The following ROBO3 variants were observed in gnomAD, a reference collection of about 807,000 sequenced individuals.
ROBO3 encodes roundabout guidance receptor 3.
A neutral mutation model predicts 160.5 loss-of-function variants in ROBO3; 97 were observed. That is an observed-to-expected ratio of 0.60 (90% CI 0.51 to 0.72). ROBO3 has a LOEUF of 0.72. Among genes scored for constraint, ROBO3 ranks in the 30% least tolerant of loss-of-function variants. ROBO3 has a pLI of 0.00. For synonymous variants in ROBO3, 780 were observed against 746.2 expected (o/e 1.05, Z -0.74); for missense variants, 1,858 against 1,846.5 (o/e 1.01, Z -0.11).
intron 1 of ROBO3, chr11:124,868,395 G>GAGCA: frequency 2.0e-6 from 1 of 497,870 alleles, no homozygotes; most frequent in Non-Finnish European, 3.7e-6. Context: ...GTCTTTCACT[G>GAGCA]AGCAAGGACG....
chr11:124,869,429 G>GCCGC lies in ROBO3; in HGVS notation c.488-19_488-18insGCCC. 7 of 1,295,744 alleles carry GCCGC rather than the reference G, an allele frequency of 5.4e-6. No individual in the cohort carries two copies. Among genetic ancestry groups the GCCGC allele is most frequent in the Non-Finnish European group, 7.5e-6 (7 of 929,924 alleles). 80.3% of individuals were successfully genotyped at this position (1,295,744 alleles called of 1,614,324 possible). A position where few individuals can be genotyped will look rare whatever the true frequency, so the allele number is the denominator to read the frequency against. ...TGTCACTCTACACCCTGCTTATTTC[G>GCCGC]CCCCCCACCGCCCCGCCCAGTCCTC... On this transcript the variant is annotated intron_variant, in intron 2 of 27. Transcript: ENST00000397801. This position sits in a 1 kb window ranked among gnomAD's most constrained non-coding sequence, Gnocchi z 4.2.
rs1946553961 is a variant in ROBO3 at position 124,880,551 on chromosome 11, C to A, written c.4092C>A (p.Ser1364Arg). ...GGGGCTCCCGGGGCCCTGGCCGGAG[C>A]CGGAGTCGGAGTCAGAGCCGGAGCC... Reference protein sequence around the residue: ...SSRGSRGPGRSRSRSQSRSQS... With the variant: ...SSRGSRGPGRRRSRSQSRSQS... The change falls in exon 27 of 28, where the codon AGC (serine) becomes AGA (arginine). Residue 1364 changes from serine (S) to arginine (R), a missense_variant. Coordinates refer to ENST00000397801, the MANE Select transcript of ROBO3 (RefSeq NM_022370.4). The A allele has an allele frequency of 1.3e-6, 2 of 1,556,086 alleles. No homozygotes were observed. The highest frequency in any genetic ancestry group is 8.7e-7 in the Non-Finnish European group (1 of 1,149,990).
rs747188763 is a variant in ROBO3, at chr11:124,865,952, C to T, written c.160+215C>T. ...AGGTCGAGGGCTTGGGAGAAGATGG[C>T]TACTGAGTCTTTTTACACCTCCTTC... is the stretch of plus-strand genomic sequence containing the variant. On this transcript the variant is annotated intron_variant, in intron 1 of 27. Transcript: ENST00000397801. This position sits in a 1 kb window ranked among gnomAD's most constrained non-coding sequence, Gnocchi z 5.5. 1.2e-4 allele frequency among the ~76,000 whole-genome samples: 18 copies of T among 152,224 alleles called. No homozygotes were observed. Among genetic ancestry groups the T allele is most frequent in the Admixed American group, 1.1e-3 (17 of 15,284 alleles).
At position 124,874,169 on chromosome 11, in the gene ROBO3, G is replaced by A. The variant is rs1946317662; in HGVS notation, c.1884G>A (p.Leu628=). 6.2e-7 allele frequency: 1 copy of A among 1,613,878 alleles called. No individual in the cohort carries two copies. Among genetic ancestry groups the A allele is most frequent in the Non-Finnish European group, 8.5e-7 (1 of 1,179,888 alleles). The change falls in exon 12 of 28, where the codon CTG becomes CTA. Residue 628 remains leucine, a synonymous_variant. Coordinates refer to ENST00000397801, the MANE Select transcript of ROBO3 (RefSeq NM_022370.4). ...GLQPNTIYLF[L]VRAVGAWGLS... ...AGCCCAATACCATCTACCTGTTTCTGGTTCGAGCAGTGGGAGCCTGGGGCC... is the reference window on the plus strand; with the variant it reads ...AGCCCAATACCATCTACCTGTTTCTAGTTCGAGCAGTGGGAGCCTGGGGCC...
rs763573663 is a variant in ROBO3 at position 124,869,435 on chromosome 11, CA to C, written c.488-14del. ...TCTACACCCTGCTTATTTCGCCCCC[CA>C]CCGCCCCGCCCAGTCCTCCGTGATG... On this transcript the variant is annotated splice_polypyrimidine_tract_variant and intron_variant, in intron 2 of 27. Coordinates refer to ENST00000397801, the MANE Select transcript of ROBO3 (RefSeq NM_022370.4). The surrounding 1 kb of genome is among the most constrained non-coding windows in gnomAD (Gnocchi z 4.2). 1.4e-4 allele frequency: 194 copies of C among 1,395,058 alleles called. 8 individuals are homozygous for C. The highest frequency in any genetic ancestry group is 4.7e-4 in the Middle Eastern group (2 of 4,212). The allele number at this position is 1,395,058 out of a possible 1,614,324, so 86.4% of individuals were successfully genotyped here. A position where few individuals can be genotyped will look rare whatever the true frequency, so the allele number is the denominator to read the frequency against.
At position 124,878,788 on chromosome 11, in the gene ROBO3, G is replaced by C. The variant is rs199650068; in HGVS notation, c.3525G>C (p.Gln1175His). 1.2e-6 allele frequency: 2 copies of C among 1,612,266 alleles called. No homozygotes were observed. The highest frequency in any genetic ancestry group is 1.7e-6 in the Non-Finnish European group (2 of 1,179,308). The change falls in exon 23 of 28, where the codon CAG becomes CAC. Residue 1175 changes from glutamine to histidine, a missense_variant. Gln to His is a conservative substitution (Grantham distance 24, BLOSUM62 0). Coordinates refer to ENST00000397801, the MANE Select transcript of ROBO3 (RefSeq NM_022370.4). The surrounding 1 kb of genome is among the most constrained non-coding windows in gnomAD (Gnocchi z 4.3). ...CAACTGACATGCCCCATCTCCATCA[G>C]ATGCCCAGGTAGGGAGGTATATAGT... ...QPPTDMPHLH[Q>H]MPRRVPLGPS...
In ROBO3 at chr11:124,873,601, C is replaced by T. The variant is rs73014390; in HGVS notation, c.1619-96C>T. 0.019 allele frequency: 22,835 copies of T among 1,209,360 alleles called. 280 individuals carry two copies. Among genetic ancestry groups the T allele is most frequent in the Non-Finnish European group, 0.022 (19,252 of 864,786 alleles). 74.9% of individuals were successfully genotyped at this position (1,209,360 alleles called of 1,614,324 possible). ...CTATAGCCCACTCTGACCATCACCG[C>T]AGCTCAGAGCTCCATAGCTCCCCTG... On this transcript the variant is annotated intron_variant, in intron 10 of 27. Coordinates refer to ENST00000397801, the MANE Select transcript of ROBO3 (RefSeq NM_022370.4). This position sits in a 1 kb window ranked among gnomAD's most constrained non-coding sequence, Gnocchi z 4.5.
Position 124,865,705 on chromosome 11 carries a change from C to A in ROBO3, c.128C>A (p.Thr43Asn). 1 of 1,611,018 alleles carries A rather than the reference C, an allele frequency of 6.2e-7. No individual in the cohort carries two copies. The highest frequency in any genetic ancestry group is 1.7e-5 in the Admixed American group (1 of 59,728). The change falls in exon 1 of 28, where the codon ACC becomes AAC. Residue 43 changes from threonine to asparagine, a missense_variant. Physicochemically the swap from Thr to Asn is moderately conservative, Grantham distance 65. Coordinates refer to ENST00000397801, the MANE Select transcript of ROBO3 (RefSeq NM_022370.4). This position sits in a 1 kb window ranked among gnomAD's most constrained non-coding sequence, Gnocchi z 5.5. ...TCCTCGCTGGCGGCGCTCAACCACA[C>A]CCTGCTGCCTCCCGGCGATCCCTCT... ...FNSSLAALNH[T>N]LLPPGDPSLN...
intron 7 of ROBO3, among the ~76,000 whole-genome samples, chr11:124,871,407 T>G (rs1458687246): frequency 6.6e-6 from 1 of 152,232 alleles, no homozygotes; most frequent in Non-Finnish European, 1.5e-5. Flanking sequence ...CTTTCTGTTT[T>G]GGGCAAGGCT....
Position 124,869,977 on chromosome 11 carries a change from T to C in ROBO3, c.675T>C (p.His225=), listed in dbSNP as rs374414758. The change falls in exon 4 of 28, where the codon CAT becomes CAC. Residue 225 remains histidine, a synonymous_variant. Transcript: ENST00000397801. This position sits in a 1 kb window ranked among gnomAD's most constrained non-coding sequence, Gnocchi z 4.2. ...TIRGGKLMMS[H]TLKSDAGMYV... ...GTGGAGGGAAGCTGATGATGTCACA[T>C]ACACTCAAGAGCGATGCAGGCATGT... is the stretch of plus-strand genomic sequence containing the variant. 2.1e-5 allele frequency: 34 copies of C among 1,612,830 alleles called. No individual in the cohort carries two copies. Among genetic ancestry groups the C allele is most frequent in the Non-Finnish European group, 2.6e-5 (31 of 1,179,340 alleles).
Position 124,870,697 on chromosome 11 carries a change from C to T in ROBO3, c.1002C>T (p.Arg334=), listed in dbSNP as rs748933110. 7.4e-5 allele frequency: 119 copies of T among 1,612,244 alleles called. 1 individual carries two copies. The highest frequency in any genetic ancestry group is 7.2e-4 in the South Asian group (65 of 90,524). The change falls in exon 6 of 28, where the codon CGC becomes CGT. Residue 334 remains arginine, a synonymous_variant. Coordinates refer to ENST00000397801, the MANE Select transcript of ROBO3 (RefSeq NM_022370.4). ...YTCVAENSVG[R]AEASGSLSVH... The stretch of plus-strand genomic sequence containing the variant: ...GTGTGGCGGAGAACAGTGTGGGCCG[C>T]GCTGAAGCATCTGGCTCCCTCAGTG...
Position 124,879,581 on chromosome 11 carries a change from G to A in ROBO3, c.3796+6G>A, listed in dbSNP as rs1946506607. 1.2e-6 allele frequency: 2 copies of A among 1,609,060 alleles called. No homozygotes were observed. Among genetic ancestry groups the A allele is most frequent in the African/African-American group, 1.3e-5 (1 of 74,788 alleles). Reference sequence around the variant, plus strand: ...GAGGGAGAACAGTCCTGGGGGTGAGGGGGGATGCACCTGGGAGATGGTGAC... The same window carrying A: ...GAGGGAGAACAGTCCTGGGGGTGAGAGGGGATGCACCTGGGAGATGGTGAC... On this transcript the variant is annotated splice_donor_region_variant and intron_variant, in intron 25 of 27. Coordinates refer to ENST00000397801, the MANE Select transcript of ROBO3 (RefSeq NM_022370.4).
At chr11:124,877,417 C>T (rs1946414534) in intron 19 of ROBO3, 102 bp from the exon 20 acceptor site, 8 of 1,586,476 alleles carry the variant, frequency 5.0e-6, no homozygotes, top group Non-Finnish European at 6.9e-6. Context: ...CCCACCCCAA[C>T]ACCACCGCCA....
intron 26 of ROBO3, 122 bp downstream of exon 26, chr11:124,880,070 A>G (rs866262334): frequency 1.9e-5 from 19 of 992,130 alleles, no homozygotes; most frequent in African/African-American, 1.5e-4. Context: ...TTTGATCCAC[A>G]TCAAACTCCC....
At position 124,877,638 on chromosome 11, in the gene ROBO3, C is replaced by T. The variant is rs561719723; in HGVS notation, c.2966C>T (p.Pro989Leu). The T allele has an allele frequency of 4.3e-6, 7 of 1,610,920 alleles. No individual in the cohort carries two copies. In the African/African-American group the frequency reaches 5.3e-5, roughly 12 times the overall value. The change falls in exon 20 of 28, where the codon CCG becomes CTG. Residue 989 changes from proline to leucine, a missense_variant. Transcript: ENST00000397801. ...RGSCCPSNPD[P>L]DDRYYNEAGI... ...AGCTGCTGCCCTAGCAATCCTGACC[C>T]GGACGACAGATATTACAACGGTGAG...
rs772328127 is a variant in ROBO3 at position 124,872,333 on chromosome 11, C to T, written c.1159-48C>T. 18 of 1,565,732 alleles carry T rather than the reference C, an allele frequency of 1.1e-5. No homozygotes were observed. The Middle Eastern group carries it at 5.2e-4, about 45-fold the overall frequency. On this transcript the variant is annotated intron_variant, in intron 7 of 27. Coordinates refer to ENST00000397801, the MANE Select transcript of ROBO3 (RefSeq NM_022370.4). The surrounding 1 kb of genome is among the most constrained non-coding windows in gnomAD (Gnocchi z 4.3). The stretch of plus-strand genomic sequence containing the variant: ...TGACAGGAATGGGGACCTCTCCCTG[C>T]CCAGCTGCCTGCTCATTCCCTACCC...
rs374221689 is a variant in ROBO3 at position 124,870,183 on chromosome 11, G to A, written c.785G>A (p.Arg262His). Residue 262 changes from arginine to histidine, a missense_variant, in exon 5 of 28, where the codon CGC (arginine) becomes CAC (histidine). Transcript: ENST00000397801. ...VMVLERPSFL[R>H]RPVNQVVLAD... is the part of the protein sequence containing the mutation. ...TCCATAGAGCGTCCCTCATTCCTGC[G>A]CAGACCAGTGAATCAGGTGGTCCTG... is the stretch of plus-strand genomic sequence containing the variant. The A allele has an allele frequency of 2.2e-5, 35 of 1,613,902 alleles. No individual in the cohort carries two copies. The highest frequency in any genetic ancestry group is 3.3e-5 in the Admixed American group (2 of 60,006).
Position 124,873,013 on chromosome 11 carries a change from A to G in ROBO3, c.1460A>G (p.Asp487Gly). 1 of 1,613,904 alleles carries G rather than the reference A, an allele frequency of 6.2e-7. No individual in the cohort carries two copies. Among genetic ancestry groups the G allele is most frequent in the Non-Finnish European group, 8.5e-7 (1 of 1,179,850 alleles). The change falls in exon 9 of 28, where the codon GAT becomes GGT. Residue 487 changes from aspartate to glycine, a missense_variant. Coordinates refer to ENST00000397801, the MANE Select transcript of ROBO3 (RefSeq NM_022370.4). The surrounding 1 kb of genome is among the most constrained non-coding windows in gnomAD (Gnocchi z 4.5). ...CAACCCAGTGTCCGATGGAAGAAGG[A>G]TGGGCAGTGGCTGCAGGGGGATGAC... is the stretch of plus-strand genomic sequence containing the variant. ...NPQPSVRWKKDGQWLQGDDLQ... is the reference protein window; with the variant it reads ...NPQPSVRWKKGGQWLQGDDLQ...
chr11:124,867,727 T>G (rs979120109), intron 1 of ROBO3, among the ~76,000 whole-genome samples: 70 of 133,918 alleles, frequency 5.2e-4, no homozygotes, highest in Admixed American at 4.9e-3. Flanking sequence ...AAACCCAATC[T>G]CACAGGCGGG....
Sources: allele counts gnomAD v4.1 joint callset (sites outside exome capture counted in the v4.1 genomes callset), GRCh38; gene constraint gnomAD v4.1.1; non-coding constraint Gnocchi (gnomAD v3.1); transcripts MANE v1.5; gene names NCBI Gene and HGNC (gene_info 2026-07-23, HGNC 2026-07-21).